The following GAREM1 variants were observed in gnomAD, a reference collection of about 807,000 sequenced individuals.
The protein encoded by GAREM1 is GRB2-associated and regulator of MAPK protein 1.
In GAREM1, 26 loss-of-function variants were observed where a neutral mutation model predicts 71.3. The ratio of observed to expected loss-of-function variants is 0.36; its 90% CI spans 0.27 to 0.51. The LOEUF (loss-of-function observed/expected upper bound fraction) is 0.51. GAREM1 is among the 20% of genes least tolerant of loss of function. The pLI is 0.95. For synonymous variants in GAREM1, 440 were observed against 433.2 expected, an observed-to-expected ratio of 1.02 and a Z score of -0.20; for missense variants, 1,026 against 1,103.1, an observed-to-expected ratio of 0.93 and a Z score of 0.99.
At chr18:32,317,393 CAAAAAAA>C (rs35166372) in intron 2 of GAREM1, among the ~76,000 whole-genome samples, 2 of 72,594 alleles carry the variant, frequency 2.8e-5, no homozygotes, top group Non-Finnish European at 5.8e-5. Context: ...CGCTCTGTCA[CAAAAAAA>C]AAAAAAAAAA....
At chr18:32,333,027 G>A (rs1689030) in intron 2 of GAREM1, among the ~76,000 whole-genome samples, 47,682 of 151,326 alleles carry the variant, frequency 0.32, 9,032 homozygotes, top group African/African-American at 0.54. Context: ...CTGAGATGAT[G>A]ATAAAATAAA....
intron 1 of GAREM1, among the ~76,000 whole-genome samples, chr18:32,440,096 G>A (rs554347375): frequency 6.6e-6 from 1 of 152,150 alleles, no homozygotes; most frequent in South Asian, 2.1e-4. Flanking sequence ...GATGATTTCA[G>A]GCATTTATTT....
intron 3 of GAREM1, among the ~76,000 whole-genome samples, chr18:32,288,678 T>C (rs1200309313): frequency 6.6e-6 from 1 of 151,994 alleles, no homozygotes; most frequent in African/African-American, 2.4e-5. Context: ...GGAAGAAATA[T>C]TAAAAATACA....
At chr18:32,315,478 GTAGA>G (rs1337402891) in intron 2 of GAREM1, among the ~76,000 whole-genome samples, 1 of 143,980 alleles carries the variant, frequency 6.9e-6, no homozygotes, top group East Asian at 2.0e-4. Context: ...ATATATAAAA[GTAGA>G]TATATATAAA....
At chr18:32,292,436 T>C (rs2047096743) in intron 3 of GAREM1, among the ~76,000 whole-genome samples, 1 of 152,170 alleles carries the variant, frequency 6.6e-6, no homozygotes, top group African/African-American at 2.4e-5. Flanking sequence ...ATAACCATTC[T>C]GGGGAAAGAG....
At chr18:32,420,572 TATACCC>T (rs2048510066) in intron 1 of GAREM1, among the ~76,000 whole-genome samples, 4 of 151,986 alleles carry the variant, frequency 2.6e-5, no homozygotes, top group Admixed American at 2.6e-4. Context: ...TGGGAAACCA[TATACCC>T]ATGGGAAGTT....
intron 1 of GAREM1, among the ~76,000 whole-genome samples, chr18:32,410,760 T>C (rs779949095): frequency 5.3e-5 from 8 of 152,206 alleles, no homozygotes; most frequent in Non-Finnish European, 1.0e-4. Flanking sequence ...CTCAATATAG[T>C]ACTGTATAGA....
intron 2 of GAREM1, among the ~76,000 whole-genome samples, chr18:32,327,480 G>C (rs1353257979): frequency 1.3e-5 from 2 of 152,058 alleles, no homozygotes; most frequent in Non-Finnish European, 2.9e-5. Context: ...ATTATACTAA[G>C]GTGATAATAG....
rs539379205 is a variant in GAREM1, at chr18:32,320,418, T to A, written c.263-10095A>T. 6.5e-4 allele frequency among the ~76,000 whole-genome samples: 99 copies of A among 152,252 alleles called. 1 individual carries two copies. The highest frequency in any genetic ancestry group is 2.2e-3 in the African/African-American group (93 of 41,548). On this transcript the variant is annotated intron_variant, in intron 2 of 5. Transcript: ENST00000269209. ...CTATTTTAAAATCTGATTCCCTACATTACTTGAAGTTAGTTCCTAAAATTA... is the reference window on the plus strand; with the variant it reads ...CTATTTTAAAATCTGATTCCCTACAATACTTGAAGTTAGTTCCTAAAATTA...
In GAREM1 at chr18:32,429,515, C is replaced by T. The variant is rs2048604124; in HGVS notation, c.122-36480G>A. On this transcript the variant is annotated intron_variant, in intron 1 of 5. Coordinates refer to ENST00000269209, the MANE Select transcript of GAREM1 (RefSeq NM_001242409.2). ...TCCTTTATTCCATTATAGCCATAGTCACCTTAAAGCAGAGGCTGCATGCCA... is the reference window on the plus strand; with the variant it reads ...TCCTTTATTCCATTATAGCCATAGTTACCTTAAAGCAGAGGCTGCATGCCA... Among the ~76,000 whole-genome samples the T allele has an allele frequency of 2.0e-5, 3 of 152,210 alleles. No individual in the cohort carries two copies. The South Asian group carries it at 6.2e-4, about 32-fold the overall frequency.
intron 2 of GAREM1, among the ~76,000 whole-genome samples, chr18:32,320,570 G>A (rs2047419089): frequency 6.6e-6 from 1 of 151,942 alleles, no homozygotes; most frequent in African/African-American, 2.4e-5. Context: ...AGAAAAGAAG[G>A]CATCAATCAA....
chr18:32,406,305 C>G (rs2048365795), intron 1 of GAREM1, among the ~76,000 whole-genome samples: 1 of 152,134 alleles, frequency 6.6e-6, no homozygotes, highest in Non-Finnish European at 1.5e-5. Context: ...GCTTGGATTA[C>G]AGCGTGAGCC....
chr18:32,346,939 C>T (rs984699884), intron 2 of GAREM1, among the ~76,000 whole-genome samples: 15 of 151,982 alleles, frequency 9.9e-5, no homozygotes, highest in African/African-American at 3.6e-4. Flanking sequence ...GACGCTGTGT[C>T]GGCACCAACT....
At chr18:32,325,794 C>A (rs568476605) in intron 2 of GAREM1, among the ~76,000 whole-genome samples, 1 of 152,290 alleles carries the variant, frequency 6.6e-6, no homozygotes, top group East Asian at 1.9e-4. Flanking sequence ...TGCATCATAT[C>A]CTTCTACATC....
Position 32,470,448 on chromosome 18 carries a change from C to T in GAREM1, c.-20G>A, listed in dbSNP as rs1358609246. 1.5e-6 allele frequency: 2 copies of T among 1,330,044 alleles called. No individual in the cohort carries two copies. Among genetic ancestry groups the T allele is most frequent in the Non-Finnish European group, 1.9e-6 (2 of 1,026,784 alleles). 82.4% of individuals were successfully genotyped at this position (1,330,044 alleles called of 1,614,324 possible). A position where few individuals can be genotyped will look rare whatever the true frequency, so the allele number is the denominator to read the frequency against. On this transcript the variant is annotated 5_prime_UTR_variant, in exon 1 of 6. Coordinates refer to ENST00000269209, the MANE Select transcript of GAREM1 (RefSeq NM_001242409.2). This position sits in a 1 kb window ranked among gnomAD's most constrained non-coding sequence, Gnocchi z 4.4. The stretch of plus-strand genomic sequence containing the variant: ...GTCCATCTTCCCCGAAGCCTCCTGT[C>T]CCGCGCTCCCCCGCCGCCGCCACCG...
intron 1 of GAREM1, 142 bp from the exon 2 acceptor site, chr18:32,393,177 ATTG>A (rs2048219484): frequency 3.1e-6 from 2 of 651,976 alleles, no homozygotes; most frequent in Admixed American, 6.6e-5. Flanking sequence ...TTACCTCTGA[ATTG>A]TTTTTTTTTT....
intron 3 of GAREM1, among the ~76,000 whole-genome samples, chr18:32,298,856 A>G (rs1423007233): frequency 6.6e-6 from 1 of 152,310 alleles, no homozygotes; most frequent in Non-Finnish European, 1.5e-5. Context: ...TTAAATTTTC[A>G]TTACTCTTTC....
intron 2 of GAREM1, among the ~76,000 whole-genome samples, chr18:32,366,242 G>C (rs919366135): frequency 1.3e-5 from 2 of 152,024 alleles, no homozygotes; most frequent in Admixed American, 6.6e-5. Context: ...CAGTCCCATA[G>C]CACCTAGTGC....
rs970883763 is a variant in GAREM1 at position 32,266,713 on chromosome 18, G to C, written c.*1158C>G. ...TGTAGCATATATAATAATAAAGGCC[G>C]GTGCGTCTGATTTCTCAGCTCTCGT... On this transcript the variant is annotated 3_prime_UTR_variant, in exon 6 of 6. Transcript: ENST00000269209. 6.6e-6 allele frequency: 1 copy of C among 152,020 alleles called. No individual in the cohort carries two copies. Among genetic ancestry groups the C allele is most frequent in the Admixed American group, 6.6e-5 (1 of 15,248 alleles). 9.4% of individuals were successfully genotyped at this position (152,020 alleles called of 1,614,324 possible).
Sources: gnomAD v4.1 joint callset for allele counts (sites outside exome capture counted in the v4.1 genomes callset) on GRCh38, gnomAD v4.1.1 for gene constraint, Gnocchi (gnomAD v3.1) non-coding constraint, MANE v1.5 for transcripts, NCBI Gene and HGNC (gene_info 2026-07-23, HGNC 2026-07-21) for gene names.